The following SLC43A1 variants were observed in gnomAD, a reference collection of about 807,000 sequenced individuals.
SLC43A1 encodes the protein solute carrier family 43 member 1, also known as large neutral amino acids transporter small subunit 3.
In SLC43A1, 31 loss-of-function variants were observed where a neutral mutation model predicts 59.5. The ratio of observed to expected loss-of-function variants is 0.52; its 90% CI spans 0.39 to 0.70. SLC43A1 has a LOEUF of 0.70. SLC43A1 is among the 30% of genes least tolerant of loss of function. SLC43A1 has a pLI of 0.00. For synonymous variants in SLC43A1, 259 were observed against 290.9 expected (o/e 0.89, Z 1.12); for missense variants, 598 against 717.8 (o/e 0.83, Z 1.91).
chr11:57,495,062 G>A (rs1483938173), intron 7 of SLC43A1, among the ~76,000 whole-genome samples: 2 of 151,684 alleles, frequency 1.3e-5, no homozygotes, highest in African/African-American at 4.8e-5. Flanking sequence ...TGGTCAGGCT[G>A]GTCTAGAACT....
chr11:57,511,648 C>T (rs903006994), intron 2 of SLC43A1, among the ~76,000 whole-genome samples: 1 of 152,110 alleles, frequency 6.6e-6, no homozygotes, highest in Non-Finnish European at 1.5e-5. Context: ...CAACCCAAAT[C>T]TCCATCAACT....
chr11:57,514,267 C>CAGCTCCTTGGCACCGGCTG lies in SLC43A1; in HGVS notation c.-13-144_-13-143insCAGCCGGTGCCAAGGAGCT. On this transcript the variant is annotated intron_variant, in intron 1 of 14. Transcript: ENST00000278426. This position sits in a 1 kb window ranked among gnomAD's most constrained non-coding sequence, Gnocchi z 5.5. ...CCCATAGAGCCCTGGGCTTCCCAGCCGGTGCCAAGGAGCTGGCTCCGCGCG... is the reference window on the plus strand; with the variant it reads ...CCCATAGAGCCCTGGGCTTCCCAGCCAGCTCCTTGGCACCGGCTGGGTGCCAAGGAGCTGGCTCCGCGCG... 9.8e-7 allele frequency: 1 copy of CAGCTCCTTGGCACCGGCTG among 1,025,464 alleles called. No homozygotes were observed. The highest frequency in any genetic ancestry group is 1.7e-5 in the South Asian group (1 of 58,268). 63.5% of individuals were successfully genotyped at this position (1,025,464 alleles called of 1,614,324 possible). A position where few individuals can be genotyped will look rare whatever the true frequency, so the allele number is the denominator to read the frequency against.
At chr11:57,509,638 GA>G (rs1239497018) in intron 2 of SLC43A1, among the ~76,000 whole-genome samples, 141 of 131,246 alleles carry the variant, frequency 1.1e-3, no homozygotes, top group Middle Eastern at 3.7e-3. Context: ...AGGAAGGAAG[GA>G]AGGAAGGAAG....
chr11:57,486,022 T>TG (rs1159224866), intron 14 of SLC43A1, among the ~76,000 whole-genome samples: 1 of 151,984 alleles, frequency 6.6e-6, no homozygotes, highest in African/African-American at 2.4e-5. Context: ...CGTGCAGGAG[T>TG]GGGTGCCCTA....
chr11:57,493,122 A>G (rs1943984681), intron 8 of SLC43A1, among the ~76,000 whole-genome samples: 1 of 152,148 alleles, frequency 6.6e-6, no homozygotes, highest in African/African-American at 2.4e-5. Context: ...TACCCCATTT[A>G]ATAAAATCTT....
At chr11:57,493,661 G>A (rs756719868) in intron 8 of SLC43A1, among the ~76,000 whole-genome samples, 3 of 152,118 alleles carry the variant, frequency 2.0e-5, no homozygotes, top group East Asian at 1.9e-4. Flanking sequence ...GAGGCTCACG[G>A]GCCTGGCTGC....
intron 2 of SLC43A1, among the ~76,000 whole-genome samples, chr11:57,509,673 G>GGAGA (rs1944483715): frequency 1.5e-5 from 2 of 129,828 alleles, no homozygotes; most frequent in Non-Finnish European, 3.3e-5. Flanking sequence ...AGGAAGGGAA[G>GGAGA]GAGGGAGGGA....
In SLC43A1 at chr11:57,492,563, TATATATATATAAAA is replaced by T. The variant is rs1275814943; in HGVS notation, c.872-715_872-702del. Among the ~76,000 whole-genome samples the T allele has an allele frequency of 5.4e-3, 117 of 21,642 alleles. 1 individual carries two copies. Among genetic ancestry groups the T allele is most frequent in the Middle Eastern group, 0.026 (1 of 38 alleles). 14.2% of individuals were successfully genotyped at this position (21,642 alleles called of 152,430 possible). On this transcript the variant is annotated intron_variant, in intron 8 of 14. Coordinates refer to ENST00000278426, the MANE Select transcript of SLC43A1 (RefSeq NM_003627.6). ...ATATATATATATATATATATATATA[TATATATATATAAAA>T]AAATAAGCCAGGCATGGTTGTGCAC...
chr11:57,491,907 T>C, intron 8 of SLC43A1, 45 bp from the exon 9 acceptor site: 1 of 1,594,342 alleles, frequency 6.3e-7, no homozygotes, highest in Non-Finnish European at 8.6e-7. Flanking sequence ...GACCTTCCAC[T>C]GCCCTCTGAT....
At position 57,491,497 on chromosome 11, in the gene SLC43A1, C is replaced by T. The variant is rs1943900441; in HGVS notation, c.1054+94G>A. The T allele has an allele frequency of 4.4e-6, 7 of 1,589,894 alleles. No individual in the cohort carries two copies. In the East Asian group the frequency reaches 1.6e-4, roughly 36 times the overall value. ...ACTCTTACATCCCACAAAAGGGTTA[C>T]CTGGGTGGGCCCAGGCCTAGAGGAG... is the stretch of plus-strand genomic sequence containing the variant. On this transcript the variant is annotated intron_variant, in intron 10 of 14. Coordinates refer to ENST00000278426, the MANE Select transcript of SLC43A1 (RefSeq NM_003627.6).
chr11:57,487,212 T>C lies in SLC43A1; in HGVS notation c.1416A>G (p.Pro472=), dbSNP rs2135142319. The part of the protein sequence containing the change: ...ACGSLYAAVF[P]SNHFGTLTGL... ...CTGTCAGCGTCCCAAAGTGGTTGGA[T>C]GGGAACCTGTCCACGAGACGGGGAG... Residue 472 remains proline, a synonymous_variant, in exon 14 of 15, where the codon CCA becomes CCG. Transcript: ENST00000278426. The C allele has an allele frequency of 1.2e-6, 2 of 1,612,968 alleles. No homozygotes were observed. Among genetic ancestry groups the C allele is most frequent in the East Asian group, 2.2e-5 (1 of 44,834 alleles).
chr11:57,510,372 C>A (rs945638952), intron 2 of SLC43A1, among the ~76,000 whole-genome samples: 2 of 145,758 alleles, frequency 1.4e-5, no homozygotes, highest in African/African-American at 5.1e-5. Flanking sequence ...ACACAAGAAT[C>A]ACTTGAACCT....
Position 57,490,848 on chromosome 11 carries a change from C to G in SLC43A1, c.1193+376G>C, listed in dbSNP as rs562059233. 5.3e-5 allele frequency among the ~76,000 whole-genome samples: 8 copies of G among 152,300 alleles called. No homozygotes were observed. In the East Asian group the frequency reaches 1.2e-3, roughly 22 times the overall value. On this transcript the variant is annotated intron_variant, in intron 11 of 14. Transcript: ENST00000278426. ...GCCCTAACAAGACTTTAGCGTGTAC[C>G]CTTATAACACAGGTTCTGGAGGCTG... is the stretch of plus-strand genomic sequence containing the variant.
chr11:57,509,883 G>T (rs1304148178), intron 2 of SLC43A1, among the ~76,000 whole-genome samples: 1 of 151,960 alleles, frequency 6.6e-6, no homozygotes, highest in Non-Finnish European at 1.5e-5. Flanking sequence ...GTGCACTAAA[G>T]GACACCAAAA....
intron 2 of SLC43A1, among the ~76,000 whole-genome samples, chr11:57,511,755 A>G (rs2467327): frequency 0.81 from 122,845 of 152,184 alleles, 50,057 homozygotes; most frequent in African/African-American, 0.91. Flanking sequence ...GATGAACCTC[A>G]AAAACATTAT....
chr11:57,496,870 C>T (rs1421588257), intron 6 of SLC43A1, among the ~76,000 whole-genome samples: 1 of 152,242 alleles, frequency 6.6e-6, no homozygotes, highest in African/African-American at 2.4e-5. Flanking sequence ...CTGCTCTCCC[C>T]TCAGGCTCCT....
intron 2 of SLC43A1, among the ~76,000 whole-genome samples, chr11:57,510,502 A>G (rs1944511583): frequency 6.7e-6 from 1 of 149,958 alleles, no homozygotes; most frequent in Non-Finnish European, 1.5e-5. Context: ...AACGACACAT[A>G]TTGTTGAGGC....
chr11:57,494,410 C>G (rs1298207894), intron 7 of SLC43A1: 1 of 494,550 alleles, frequency 2.0e-6, no homozygotes, highest in African/African-American at 2.0e-5. Context: ...TGGGCTGTTC[C>G]CATGGAGGAG....
At chr11:57,485,486 T>C (rs1323194178) in intron 14 of SLC43A1, among the ~76,000 whole-genome samples, 3 of 152,182 alleles carry the variant, frequency 2.0e-5, no homozygotes, top group African/African-American at 7.2e-5. Flanking sequence ...CCACACCATA[T>C]GGCACTCACT....
Sources: allele counts gnomAD v4.1 joint callset (sites outside exome capture counted in the v4.1 genomes callset), GRCh38; gene constraint gnomAD v4.1.1; non-coding constraint Gnocchi (gnomAD v3.1); transcripts MANE v1.5; gene names NCBI Gene and HGNC (gene_info 2026-07-23, HGNC 2026-07-21).